The following DCC variants were observed in gnomAD, a reference collection of about 807,000 sequenced individuals.
DCC encodes the protein DCC netrin 1 receptor, also known as netrin receptor DCC.
Under a neutral mutation model 172.5 loss-of-function variants are expected in DCC, and 58 were observed. The ratio of observed to expected loss-of-function variants is 0.34; its 90% CI spans 0.27 to 0.42. The LOEUF (loss-of-function observed/expected upper bound fraction) is 0.42. Among genes scored for constraint, DCC ranks in the 10% least tolerant of loss-of-function variants. The probability of loss-of-function intolerance (pLI) is 1.00; values close to 1 mark genes in which losing one functional copy is unlikely to be tolerated. For synonymous variants in DCC, 709 were observed against 644.5 expected, an observed-to-expected ratio of 1.10 and a Z score of -1.52; for missense variants, 1,740 against 1,791.0, an observed-to-expected ratio of 0.97 and a Z score of 0.51.
At chr18:53,188,073 T>C (rs1414344077) in intron 9 of DCC, among the ~76,000 whole-genome samples, 5 of 152,202 alleles carry the variant, frequency 3.3e-5, no homozygotes, top group Admixed American at 2.0e-4. Flanking sequence ...TAATTGGTGT[T>C]ATAAATTATA....
chr18:53,382,921 T>C (rs370890891), intron 15 of DCC, among the ~76,000 whole-genome samples: 10 of 152,130 alleles, frequency 6.6e-5, no homozygotes, highest in African/African-American at 2.2e-4. Flanking sequence ...CTCAATCAGA[T>C]CAATTTTTAT....
intron 15 of DCC, among the ~76,000 whole-genome samples, chr18:53,380,451 T>A (rs1907632860): frequency 6.6e-6 from 1 of 152,168 alleles, no homozygotes; most frequent in Admixed American, 6.5e-5. Flanking sequence ...ATGTACAATA[T>A]TTTCTTGTTT....
intron 1 of DCC, among the ~76,000 whole-genome samples, chr18:52,516,940 G>T (rs555913302): frequency 6.6e-6 from 1 of 152,262 alleles, no homozygotes; most frequent in East Asian, 1.9e-4. Context: ...TGAGGCACTT[G>T]TTCATTTTAA....
At chr18:52,892,891 AT>A (rs1353113564) in intron 2 of DCC, among the ~76,000 whole-genome samples, 1 of 152,154 alleles carries the variant, frequency 6.6e-6, no homozygotes, top group East Asian at 1.9e-4. Context: ...CCAAATTGAA[AT>A]TAAAATTATA....
At chr18:52,998,688 G>A (rs111614269) in intron 5 of DCC, among the ~76,000 whole-genome samples, 3,418 of 152,100 alleles carry the variant, frequency 0.022, 69 homozygotes, top group Non-Finnish European at 0.033. Flanking sequence ...TACTTGTCAC[G>A]TCAGCCCCTG....
At chr18:53,497,104 A>G (rs2046033754) in intron 26 of DCC, among the ~76,000 whole-genome samples, 1 of 152,174 alleles carries the variant, frequency 6.6e-6, no homozygotes, top group African/African-American at 2.4e-5. Context: ...AATATTTTTA[A>G]TGTGGCATTT....
In DCC at chr18:53,305,695, A is replaced by C. The variant is rs756185997; in HGVS notation, c.2029A>C (p.Asn677His). 1.4e-5 allele frequency: 22 copies of C among 1,614,040 alleles called. No homozygotes were observed. In the Middle Eastern group the frequency reaches 3.0e-3, roughly 218 times the overall value. ...GGGTGAGATGGAAACACTGGAGCCA[A>C]ACAACCTCTGGTACCTATTCACAGG... ...RRGEMETLEP[N>H]NLWYLFTGLE... Residue 677 changes from asparagine to histidine, a missense_variant, in exon 13 of 29, where the codon AAC becomes CAC. Physicochemically the swap from Asn to His is moderately conservative, Grantham distance 68. Coordinates refer to ENST00000442544, the MANE Select transcript of DCC (RefSeq NM_005215.4).
At chr18:53,205,168 A>C in intron 9 of DCC, 48 bp from the exon 10 acceptor site, 1 of 1,507,140 alleles carries the variant, frequency 6.6e-7, no homozygotes, top group South Asian at 1.1e-5. Context: ...ACAAAAACCC[A>C]CTTATCCTAA....
At chr18:52,467,407 A>G (rs1024808699) in intron 1 of DCC, among the ~76,000 whole-genome samples, 5 of 152,252 alleles carry the variant, frequency 3.3e-5, no homozygotes, top group Admixed American at 2.0e-4. Context: ...ATAGTATTCC[A>G]TGGTGTATAT....
chr18:53,311,605 A>T (rs2057269635), intron 13 of DCC, among the ~76,000 whole-genome samples: 1 of 152,242 alleles, frequency 6.6e-6, no homozygotes. Flanking sequence ...AGGCTGTTAT[A>T]TAACTTTGTA....
At chr18:53,367,742 C>G (rs932565758) in intron 15 of DCC, among the ~76,000 whole-genome samples, 1 of 152,088 alleles carries the variant, frequency 6.6e-6, no homozygotes, top group South Asian at 2.1e-4. Flanking sequence ...TTTGACTACT[C>G]TATACATCAC....
At chr18:52,995,561 C>T (rs376858413) in intron 5 of DCC, among the ~76,000 whole-genome samples, 13 of 151,872 alleles carry the variant, frequency 8.6e-5, no homozygotes, top group African/African-American at 2.7e-4. Context: ...TCTTCCCCTT[C>T]CATTCCCTCT....
At chr18:53,415,553 A>G (rs1212381108) in intron 20 of DCC, among the ~76,000 whole-genome samples, 1 of 152,218 alleles carries the variant, frequency 6.6e-6, no homozygotes. Context: ...TTAAATTTAA[A>G]TTTCAAAAAG....
At chr18:52,352,744 G>A (rs190774911) in intron 1 of DCC, among the ~76,000 whole-genome samples, 99 of 152,154 alleles carry the variant, frequency 6.5e-4, no homozygotes, top group African/African-American at 2.4e-3. Flanking sequence ...TTAGAATCTC[G>A]GAGATGTATT....
intron 1 of DCC, among the ~76,000 whole-genome samples, chr18:52,721,804 C>T (rs1434679054): frequency 1.3e-5 from 2 of 152,114 alleles, no homozygotes; most frequent in African/African-American, 4.8e-5. Flanking sequence ...GCAGGTGGAT[C>T]ACCAGAGGTT....
intron 1 of DCC, among the ~76,000 whole-genome samples, chr18:52,717,210 G>A (rs1300858113): frequency 6.6e-6 from 1 of 152,206 alleles, no homozygotes; most frequent in South Asian, 2.1e-4. Flanking sequence ...GTGCAGAGGG[G>A]AATGTGATAT....
At chr18:52,842,176 T>A (rs1167720319) in intron 2 of DCC, among the ~76,000 whole-genome samples, 2 of 152,122 alleles carry the variant, frequency 1.3e-5, no homozygotes, top group Admixed American at 1.3e-4. Context: ...CAAACATAAT[T>A]TCTTGTTTTT....
chr18:53,396,446 T>C (rs551123019), intron 17 of DCC, among the ~76,000 whole-genome samples: 1 of 152,308 alleles, frequency 6.6e-6, no homozygotes, highest in South Asian at 2.1e-4. Flanking sequence ...ACTTGTCATT[T>C]AAAAGACAAA....
At chr18:52,653,753 C>T (rs542342536) in intron 1 of DCC, among the ~76,000 whole-genome samples, 1 of 152,116 alleles carries the variant, frequency 6.6e-6, no homozygotes, top group South Asian at 2.1e-4. Flanking sequence ...GGTCCTTCAC[C>T]TCAACTCTTA....
Sources: allele counts gnomAD v4.1 joint callset (sites outside exome capture counted in the v4.1 genomes callset), GRCh38; gene constraint gnomAD v4.1.1; transcripts MANE v1.5; gene names NCBI Gene and HGNC (gene_info 2026-07-23, HGNC 2026-07-21).